NEDD4: variants seen among roughly 807,000 people sequenced by gnomAD.
NEDD4 encodes the protein NEDD4 E3 ubiquitin protein ligase.
Under a neutral mutation model 144.9 loss-of-function variants are expected in NEDD4, and 99 were observed. The ratio of observed to expected loss-of-function variants is 0.68; its 90% CI spans 0.58 to 0.81. NEDD4 has a LOEUF of 0.81. Ranked by LOEUF, NEDD4 falls within the 30% of genes least tolerant of loss-of-function variation. NEDD4 has a pLI of 0.00. For synonymous variants in NEDD4, 318 were observed against 350.6 expected, an observed-to-expected ratio of 0.91 and a Z score of 1.04; for missense variants, 985 against 1,065.9, an observed-to-expected ratio of 0.92 and a Z score of 1.06.
At chr15:55,920,416 AC>A (rs1436778514) in intron 5 of NEDD4, among the ~76,000 whole-genome samples, 3 of 152,094 alleles carry the variant, frequency 2.0e-5, no homozygotes, top group African/African-American at 7.2e-5. Flanking sequence ...CACAGTGCTA[AC>A]TTTTGCATTG....
chr15:55,860,852 T>C (rs1031404183), intron 9 of NEDD4, 74 bp from the exon 10 acceptor site: 31 of 1,345,504 alleles, frequency 2.3e-5, no homozygotes, highest in Non-Finnish European at 2.9e-5. Context: ...TCTGTGATCA[T>C]TGGGAAAAAA....
chr15:55,862,920 T>C lies in NEDD4; in HGVS notation c.667A>G (p.Thr223Ala), dbSNP rs759345224. 21 of 1,600,154 alleles carry C rather than the reference T, an allele frequency of 1.3e-5. No homozygotes were observed. Among genetic ancestry groups the C allele is most frequent in the South Asian group, 4.5e-5 (4 of 88,764 alleles). Residue 223 changes from threonine (T) to alanine (A), a missense_variant, in exon 9 of 29, where the codon ACC (threonine) becomes GCC (alanine). Thr to Ala is a moderately conservative substitution (Grantham distance 58). Coordinates refer to ENST00000435532, the MANE Select transcript of NEDD4 (RefSeq NM_006154.4). Reference sequence around the variant, plus strand: ...AAAGCCATCAGCACATACTGAGGGGTTGGTCTTTTCCACTGTGTTCTTCTA... The same window carrying C: ...AAAGCCATCAGCACATACTGAGGGGCTGGTCTTTTCCACTGTGTTCTTCTA... Reference protein sequence around the residue: ...ESRRTQWKRPTPQDNLTDAEN... With the variant: ...ESRRTQWKRPAPQDNLTDAEN...
chr15:55,946,799 C>G (rs1239620125), intron 4 of NEDD4, among the ~76,000 whole-genome samples: 1 of 152,144 alleles, frequency 6.6e-6, no homozygotes, highest in Non-Finnish European at 1.5e-5. Flanking sequence ...GAAATTATAA[C>G]AAACTGTCTC....
chr15:55,916,963 T>C, intron 5 of NEDD4: 4 of 1,451,814 alleles, frequency 2.8e-6, no homozygotes, highest in Non-Finnish European at 3.6e-6. Flanking sequence ...TATTAAGTAG[T>C]AGTCTTTATC....
At chr15:55,848,955 A>C in intron 14 of NEDD4, 69 bp from the exon 15 acceptor site, 1 of 1,207,060 alleles carries the variant, frequency 8.3e-7, no homozygotes, top group East Asian at 2.3e-5. Flanking sequence ...GTCTGTTACC[A>C]TGTTTTCTAA....
At chr15:55,882,356 C>T (rs1210866647) in intron 5 of NEDD4, among the ~76,000 whole-genome samples, 1 of 152,116 alleles carries the variant, frequency 6.6e-6, no homozygotes, top group Admixed American at 6.6e-5. Flanking sequence ...AATCCGTGCA[C>T]TTAGGGTTGG....
At chr15:55,899,237 G>C (rs2035834985) in intron 5 of NEDD4, among the ~76,000 whole-genome samples, 1 of 152,104 alleles carries the variant, frequency 6.6e-6, no homozygotes, top group African/African-American at 2.4e-5. Flanking sequence ...ACATTATGTA[G>C]TGGCAGAATA....
At chr15:55,849,700 T>C (rs2033900678) in intron 14 of NEDD4, among the ~76,000 whole-genome samples, 1 of 150,240 alleles carries the variant, frequency 6.7e-6, no homozygotes, top group South Asian at 2.1e-4. Flanking sequence ...TTTAATATTA[T>C]TAATTTATTA....
chr15:55,933,821 G>C (rs1696565630), intron 4 of NEDD4, among the ~76,000 whole-genome samples: 1 of 152,094 alleles, frequency 6.6e-6, no homozygotes, highest in Admixed American at 6.6e-5. Context: ...TCTCAGCCAT[G>C]CTAAACTGTG....
chr15:55,892,150 C>T (rs994448560), intron 5 of NEDD4, among the ~76,000 whole-genome samples: 2 of 151,864 alleles, frequency 1.3e-5, no homozygotes, highest in Non-Finnish European at 2.9e-5. Flanking sequence ...CCTAGAATCC[C>T]AGCTACTCGT....
At chr15:55,916,856 A>G (rs757173186) in intron 5 of NEDD4, 10 of 1,561,208 alleles carry the variant, frequency 6.4e-6, no homozygotes, top group Non-Finnish European at 8.7e-6. Flanking sequence ...AAACATGTTA[A>G]GGGCTGAAAG....
intron 5 of NEDD4, among the ~76,000 whole-genome samples, chr15:55,912,634 T>A (rs1052953270): frequency 6.6e-6 from 1 of 152,058 alleles, no homozygotes; most frequent in South Asian, 2.1e-4. Context: ...AAAATAACAG[T>A]AGAGAAAAGT....
At chr15:55,858,849 T>C (rs939337902) in intron 11 of NEDD4, among the ~76,000 whole-genome samples, 6 of 152,222 alleles carry the variant, frequency 3.9e-5, no homozygotes, top group African/African-American at 1.4e-4. Context: ...GTGGGCCATA[T>C]GGTTGCTGCT....
intron 5 of NEDD4, among the ~76,000 whole-genome samples, chr15:55,906,333 G>A (rs1394504603): frequency 4.6e-5 from 7 of 152,222 alleles, no homozygotes; most frequent in Admixed American, 6.5e-5. Context: ...ACATGGACAC[G>A]TATGTTTATT....
intron 13 of NEDD4, among the ~76,000 whole-genome samples, chr15:55,852,210 C>T (rs1342765502): frequency 2.0e-5 from 3 of 151,582 alleles, no homozygotes; most frequent in Non-Finnish European, 2.9e-5. Flanking sequence ...GCAGGAGAAT[C>T]GCTTGAACCC....
chr15:55,905,406 A>G (rs2036058401), intron 5 of NEDD4: 10 of 394,760 alleles, frequency 2.5e-5, no homozygotes, highest in South Asian at 1.9e-4. Flanking sequence ...AAAGCCCAAC[A>G]TAATTACAGA....
intron 2 of NEDD4, among the ~76,000 whole-genome samples, chr15:55,956,340 T>C (rs1482168346): frequency 3.9e-5 from 6 of 152,338 alleles, no homozygotes; most frequent in East Asian, 1.9e-4. Context: ...ATTTTTCTTT[T>C]ATGGCTCATC....
chr15:55,872,661 C>T (rs886609998), intron 6 of NEDD4, among the ~76,000 whole-genome samples, 185 bp from the exon 7 acceptor site: 2 of 152,078 alleles, frequency 1.3e-5, no homozygotes, highest in Non-Finnish European at 2.9e-5. Flanking sequence ...GAATTGCAGC[C>T]GACATCACAA....
At chr15:55,864,896 C>T (rs1471302341) in intron 8 of NEDD4, among the ~76,000 whole-genome samples, 1 of 151,922 alleles carries the variant, frequency 6.6e-6, no homozygotes, top group Non-Finnish European at 1.5e-5. Flanking sequence ...CAGAAAGAAA[C>T]TCAACTTTAT....
Sources: allele counts gnomAD v4.1 joint callset (sites outside exome capture counted in the v4.1 genomes callset), GRCh38; gene constraint gnomAD v4.1.1; transcripts MANE v1.5; gene names NCBI Gene and HGNC (gene_info 2026-07-23, HGNC 2026-07-21).